STIM1: variants seen among roughly 807,000 people sequenced by gnomAD.
STIM1 encodes the protein stromal interaction molecule 1.
Under a neutral mutation model 74.7 loss-of-function variants are expected in STIM1, and 25 were observed. The ratio of observed to expected loss-of-function variants is 0.33; its 90% confidence interval spans 0.24 to 0.47. The LOEUF (loss-of-function observed/expected upper bound fraction) is 0.47, where lower values mean the gene tolerates loss of function less well. Ranked by LOEUF, STIM1 falls within the 20% of genes least tolerant of loss-of-function variation. STIM1 has a pLI of 1.00. For synonymous variants in STIM1, 328 were observed against 348.8 expected (o/e 0.94, Z 0.66); for missense variants, 728 against 920.8 (o/e 0.79, Z 2.71).
intron 3 of STIM1, among the ~76,000 whole-genome samples, chr11:4,052,343 C>T (rs959660359): frequency 6.6e-6 from 1 of 152,180 alleles, no homozygotes; most frequent in Non-Finnish European, 1.5e-5. Flanking sequence ...AACTATACTA[C>T]AAGGCTACAG....
At chr11:3,868,979 T>C (rs1284153169) in intron 1 of STIM1, among the ~76,000 whole-genome samples, 30 of 149,296 alleles carry the variant, frequency 2.0e-4, no homozygotes, top group Non-Finnish European at 1.5e-5. Context: ...TTCTCTCTCT[T>C]TTTTTTTTTG....
rs186747719 is a variant in STIM1, at chr11:4,055,728, G to C, written c.497+91G>C. Reference sequence around the variant, plus strand: ...CAGATTGCTCTGGCCAGTTAAGTGAGGTTCTGCCTTTTTCAGGGCAGCGTC... The same window carrying C: ...CAGATTGCTCTGGCCAGTTAAGTGACGTTCTGCCTTTTTCAGGGCAGCGTC... On this transcript the variant is annotated intron_variant, in intron 4 of 12. Transcript: ENST00000526596. 184 of 949,126 alleles carry C rather than the reference G, an allele frequency of 1.9e-4. 1 individual carries two copies. The African/African-American group carries it at 2.7e-3, about 14-fold the overall frequency. 58.8% of individuals were successfully genotyped at this position (949,126 alleles called of 1,614,324 possible). A position where few individuals can be genotyped will look rare whatever the true frequency, so the allele number is the denominator to read the frequency against.
chr11:4,086,419 T>C (rs2094493304), intron 11 of STIM1, 58 bp from the exon 12 acceptor site: 1 of 1,598,090 alleles, frequency 6.3e-7, no homozygotes. Context: ...GGCACCTCCT[T>C]ACCTGCCAGC....
At chr11:3,933,405 A>G (rs2092894014) in intron 1 of STIM1, among the ~76,000 whole-genome samples, 1 of 152,242 alleles carries the variant, frequency 6.6e-6, no homozygotes, top group African/African-American at 2.4e-5. Flanking sequence ...TCTAATTTAC[A>G]GATGAGGAGA....
chr11:3,924,203 CT>C (rs1170851849), intron 1 of STIM1, among the ~76,000 whole-genome samples: 94 of 127,508 alleles, frequency 7.4e-4, no homozygotes, highest in Middle Eastern at 4.0e-3. Context: ...TTTTTCTTTT[CT>C]TTTTTTTTTT....
At chr11:3,894,955 G>A (rs2092014356) in intron 1 of STIM1, among the ~76,000 whole-genome samples, 1 of 142,860 alleles carries the variant, frequency 7.0e-6, no homozygotes, top group Non-Finnish European at 1.5e-5. Flanking sequence ...TGCCATGTTG[G>A]CCAGGCTGGT....
Position 4,055,584 on chromosome 11 carries a change from T to C in STIM1, c.444T>C (p.Pro148=). The C allele has an allele frequency of 6.2e-7, 1 of 1,600,966 alleles. No homozygotes were observed. The highest frequency in any genetic ancestry group is 8.5e-7 in the Non-Finnish European group (1 of 1,174,956). Residue 148 remains proline, a synonymous_variant, in exon 4 of 13, where the codon CCT becomes CCC. Transcript: ENST00000526596. ...VQWLITYVEL[P]QYEETFRKLQ... The stretch of plus-strand genomic sequence containing the variant: ...GGCTGATCACATATGTGGAGCTGCC[T>C]CAGTATGAGGAGACCTTCCGGAAGC...
intron 2 of STIM1, among the ~76,000 whole-genome samples, chr11:3,992,437 A>G (rs1251937960): frequency 6.6e-6 from 1 of 151,576 alleles, no homozygotes; most frequent in Non-Finnish European, 1.5e-5. Flanking sequence ...AATAAAATAA[A>G]AAACCTTTAC....
At chr11:4,039,026 G>C (rs1428308922) in intron 3 of STIM1, among the ~76,000 whole-genome samples, 6 of 152,090 alleles carry the variant, frequency 3.9e-5, no homozygotes, top group Non-Finnish European at 1.5e-5. Flanking sequence ...TTTCCTATTG[G>C]TCGGATAACC....
Position 4,071,493 on chromosome 11 carries a change from C to T in STIM1, c.791+1290C>T, listed in dbSNP as rs564870556. Among the ~76,000 whole-genome samples the T allele has an allele frequency of 5.3e-5, 8 of 152,204 alleles. 1 individual carries two copies. The South Asian group carries it at 1.7e-3, about 32-fold the overall frequency. Reference sequence around the variant, plus strand: ...AGCCTCCTGTGTAGCTGGGTGCATGCCACCATGCCTGGCTAATTTTTTTAT... The same window carrying T: ...AGCCTCCTGTGTAGCTGGGTGCATGTCACCATGCCTGGCTAATTTTTTTAT... On this transcript the variant is annotated intron_variant, in intron 6 of 12. Coordinates refer to ENST00000526596, the MANE Select transcript of STIM1 (RefSeq NM_001382567.1).
At chr11:3,893,342 C>T (rs1449475800) in intron 1 of STIM1, among the ~76,000 whole-genome samples, 1 of 152,108 alleles carries the variant, frequency 6.6e-6, no homozygotes, top group Admixed American at 6.5e-5. Flanking sequence ...TTTTAACAAG[C>T]CTAATGGAAA....
intron 3 of STIM1, among the ~76,000 whole-genome samples, chr11:4,053,727 T>G (rs1156763947): frequency 6.7e-6 from 1 of 149,886 alleles, no homozygotes; most frequent in Non-Finnish European, 1.5e-5. Flanking sequence ...ACTTAAAGTA[T>G]AATAAAATAA....
intron 2 of STIM1, among the ~76,000 whole-genome samples, chr11:4,021,613 T>C (rs2136008882): frequency 6.6e-6 from 1 of 152,354 alleles, no homozygotes; most frequent in South Asian, 2.1e-4. Context: ...AGTCAGATGG[T>C]GTGATTGCTC....
intron 1 of STIM1, among the ~76,000 whole-genome samples, chr11:3,856,863 A>G (rs1463628100): frequency 6.6e-6 from 1 of 152,192 alleles, no homozygotes; most frequent in East Asian, 1.9e-4. Context: ...CCTGGTGTTC[A>G]GGTGTGCCTA....
intron 2 of STIM1, among the ~76,000 whole-genome samples, chr11:4,023,281 A>G (rs1344145003): frequency 6.6e-6 from 1 of 152,126 alleles, no homozygotes; most frequent in African/African-American, 2.4e-5. Flanking sequence ...GTGAGCTGAA[A>G]TTGCGCCACT....
intron 1 of STIM1, chr11:3,947,378 G>C (rs1200804903): frequency 6.6e-6 from 1 of 152,156 alleles, no homozygotes; most frequent in Non-Finnish European, 1.5e-5. Flanking sequence ...TTCAGTCTCT[G>C]CTCAGCTGTA....
chr11:4,051,606 G>A (rs919513036), intron 3 of STIM1, among the ~76,000 whole-genome samples: 2 of 151,946 alleles, frequency 1.3e-5, no homozygotes, highest in Non-Finnish European at 2.9e-5. Flanking sequence ...GCCTCCCAAA[G>A]TGCTGGGATT....
chr11:3,994,271 T>A (rs555504047), intron 2 of STIM1, among the ~76,000 whole-genome samples: 1 of 152,340 alleles, frequency 6.6e-6, no homozygotes, highest in East Asian at 1.9e-4. Flanking sequence ...CATTTTTCTC[T>A]TGCTGCTTTC....
At chr11:3,920,899 G>C (rs1237349166) in intron 1 of STIM1, among the ~76,000 whole-genome samples, 1 of 151,034 alleles carries the variant, frequency 6.6e-6, no homozygotes, top group African/African-American at 2.4e-5. Context: ...GGGTTCAAGT[G>C]ATTCTCCTGC....
Sources: gnomAD v4.1 joint callset for allele counts (sites outside exome capture counted in the v4.1 genomes callset) on GRCh38, gnomAD v4.1.1 for gene constraint, MANE v1.5 for transcripts, NCBI Gene and HGNC (gene_info 2026-07-23, HGNC 2026-07-21) for gene names.